SH3RF2: variants seen among roughly 807,000 people sequenced by gnomAD.
SH3RF2 encodes the protein E3 ubiquitin-protein ligase SH3RF2.
A neutral mutation model predicts 59.0 loss-of-function variants in SH3RF2; 43 were observed. The observed-to-expected ratio is 0.73, with a 90% CI of 0.57 to 0.94. The LOEUF is 0.94. SH3RF2 is among the 40% of genes least tolerant of loss of function. The probability of loss-of-function intolerance (pLI) is 0.00; values close to 1 mark genes in which losing one functional copy is unlikely to be tolerated. For missense variants in SH3RF2, 930 were observed against 940.1 expected, an observed-to-expected ratio of 0.99 and a Z score of 0.14; for synonymous variants, 391 against 391.5, an observed-to-expected ratio of 1.00 and a Z score of 0.01.
intron 5 of SH3RF2, among the ~76,000 whole-genome samples, chr5:146,026,131 AG>A (rs1365450418): frequency 6.6e-6 from 1 of 152,220 alleles, no homozygotes; most frequent in Non-Finnish European, 1.5e-5. Context: ...GATATGGAGG[AG>A]GGGGTGATCT....
chr5:145,952,000 G>A (rs1278632109), intron 2 of SH3RF2, among the ~76,000 whole-genome samples: 1 of 152,174 alleles, frequency 6.6e-6, no homozygotes, highest in African/African-American at 2.4e-5. Context: ...TCTTAATCAA[G>A]AATGGGAATA....
At chr5:146,017,699 A>G (rs1761158119) in intron 5 of SH3RF2, among the ~76,000 whole-genome samples, 1 of 151,942 alleles carries the variant, frequency 6.6e-6, no homozygotes, top group Non-Finnish European at 1.5e-5. Context: ...TGCCACCTAA[A>G]TAGTTATTGC....
chr5:145,947,166 A>G (rs1160828493), intron 2 of SH3RF2, among the ~76,000 whole-genome samples: 1 of 148,710 alleles, frequency 6.7e-6, no homozygotes, highest in Non-Finnish European at 1.5e-5. Flanking sequence ...ATATATATAT[A>G]TATATTTAAA....
At position 146,010,810 on chromosome 5, in the gene SH3RF2, T is replaced by G. The variant is rs1460940932; in HGVS notation, c.745-2937T>G. Among the ~76,000 whole-genome samples the G allele has an allele frequency of 9.8e-5, 15 of 152,326 alleles. 3 individuals are homozygous for G. Among genetic ancestry groups the G allele is most frequent in the African/African-American group, 3.6e-4 (15 of 41,574 alleles). On this transcript the variant is annotated intron_variant, in intron 4 of 9. Transcript: ENST00000359120. ...TGTCAGATGAGTAGATTGCAAAAAT[T>G]TTCTCCCATTCTGTAGGTTGCCTGT...
chr5:146,016,207 C>T (rs1018272797), intron 5 of SH3RF2, among the ~76,000 whole-genome samples: 7 of 152,126 alleles, frequency 4.6e-5, no homozygotes, highest in Admixed American at 1.3e-4. Flanking sequence ...AATCTTCCAG[C>T]CAATAAACAT....
At chr5:146,022,838 C>G (rs1387981163) in intron 5 of SH3RF2, among the ~76,000 whole-genome samples, 1 of 151,250 alleles carries the variant, frequency 6.6e-6, no homozygotes, top group Non-Finnish European at 1.5e-5. Context: ...TGCCGGTGCA[C>G]TGCAGCCTGA....
intron 4 of SH3RF2, among the ~76,000 whole-genome samples, chr5:146,013,352 A>C (rs1363060541): frequency 2.0e-5 from 3 of 152,164 alleles, no homozygotes; most frequent in African/African-American, 4.8e-5. Flanking sequence ...AGGAAGGACA[A>C]GTGGCCAACC....
chr5:146,062,898 C>T lies in SH3RF2; in HGVS notation c.*197C>T. The T allele has an allele frequency of 1.5e-6, 1 of 672,514 alleles. No individual in the cohort carries two copies. Among genetic ancestry groups the T allele is most frequent in the Non-Finnish European group, 2.5e-6 (1 of 407,420 alleles). The allele number at this position is 672,514 out of a possible 1,614,324, so 41.7% of individuals were successfully genotyped here. On this transcript the variant is annotated 3_prime_UTR_variant, in exon 10 of 10. Coordinates refer to ENST00000359120, the MANE Select transcript of SH3RF2 (RefSeq NM_152550.4). ...AGGATAGATGGCGTGGCCTTCCAAA[C>T]ATACAAACATAATGATTTGATGCCA...
chr5:145,986,481 T>C (rs116437880), intron 2 of SH3RF2, among the ~76,000 whole-genome samples: 1,828 of 152,238 alleles, frequency 0.012, 38 homozygotes, highest in African/African-American at 0.041. Flanking sequence ...GAGGGCAGAA[T>C]TGCCTCCCAG....
At position 145,987,923 on chromosome 5, in the gene SH3RF2, G is replaced by A. The variant is rs190654059; in HGVS notation, c.379-12135G>A. Among the ~76,000 whole-genome samples the A allele has an allele frequency of 1.1e-3, 173 of 152,266 alleles. 1 individual carries two copies. The highest frequency in any genetic ancestry group is 2.6e-3 in the Admixed American group (39 of 15,290). ...CATTAATCGTCTCCAAAACCATGAGGAAGTGTGCTCAGGGGTCCCAAGATC... is the reference window on the plus strand; with the variant it reads ...CATTAATCGTCTCCAAAACCATGAGAAAGTGTGCTCAGGGGTCCCAAGATC... On this transcript the variant is annotated intron_variant, in intron 2 of 9. Transcript: ENST00000359120.
chr5:146,042,962 C>A (rs776385866), intron 5 of SH3RF2: 1 of 152,286 alleles, frequency 6.6e-6, no homozygotes. Context: ...GCCTCACAAA[C>A]TCCTTGTGGC....
intron 2 of SH3RF2, among the ~76,000 whole-genome samples, chr5:145,971,871 AATGATGATGATG>A (rs148965709): frequency 0.077 from 11,574 of 150,692 alleles, 1,497 homozygotes; most frequent in African/African-American, 0.27. Flanking sequence ...TAATAGTGAT[AATGATGATGATG>A]ATGATGATGA....
chr5:146,070,341 T>C (rs111242701), intron 9 of SH3RF2, among the ~76,000 whole-genome samples: 2 of 152,028 alleles, frequency 1.3e-5, no homozygotes, highest in African/African-American at 4.8e-5. Flanking sequence ...TCTCACAGGG[T>C]CAAGCCCTCC....
At chr5:145,979,231 A>C (rs1198295044) in intron 2 of SH3RF2, among the ~76,000 whole-genome samples, 1 of 152,222 alleles carries the variant, frequency 6.6e-6, no homozygotes, top group Non-Finnish European at 1.5e-5. Context: ...GCCCCACCCC[A>C]GACCTACTAC....
intron 5 of SH3RF2, chr5:146,043,040 G>A (rs989660385): frequency 2.0e-5 from 3 of 152,216 alleles, no homozygotes; most frequent in Non-Finnish European, 4.4e-5. Flanking sequence ...ATTCAGAAAG[G>A]CTGGGCCTCC....
At chr5:146,048,021 C>T (rs988190638) in intron 6 of SH3RF2, among the ~76,000 whole-genome samples, 158 bp downstream of exon 6, 1 of 152,012 alleles carries the variant, frequency 6.6e-6, no homozygotes, top group African/African-American at 2.4e-5. Flanking sequence ...TGGTGAAAAA[C>T]AGAAATTAGG....
chr5:146,024,207 C>T (rs1451841005), intron 5 of SH3RF2, among the ~76,000 whole-genome samples: 1 of 152,180 alleles, frequency 6.6e-6, no homozygotes. Flanking sequence ...TTGGTGTATG[C>T]AGGTTGCAAT....
chr5:146,069,081 A>G (rs767711853), intron 9 of SH3RF2, among the ~76,000 whole-genome samples: 1 of 152,156 alleles, frequency 6.6e-6, no homozygotes, highest in African/African-American at 2.4e-5. Context: ...TGGAATTTTT[A>G]GTGCAACCCA....
At chr5:146,039,722 C>A (rs993634797) in intron 5 of SH3RF2, among the ~76,000 whole-genome samples, 2 of 152,158 alleles carry the variant, frequency 1.3e-5, no homozygotes, top group African/African-American at 2.4e-5. Context: ...CAGGCTCATA[C>A]CCTTTGGCCC....
Sources: allele counts gnomAD v4.1 joint callset (sites outside exome capture counted in the v4.1 genomes callset), GRCh38; gene constraint gnomAD v4.1.1; transcripts MANE v1.5; gene names NCBI Gene and HGNC (gene_info 2026-07-23, HGNC 2026-07-21).